BIRC6: variants seen among roughly 807,000 people sequenced by gnomAD.
The protein encoded by BIRC6 is dual E2 ubiquitin-conjugating enzyme/E3 ubiquitin-protein ligase BIRC6.
Under a neutral mutation model 503.3 loss-of-function variants are expected in BIRC6, and 98 were observed. The observed-to-expected ratio is 0.19, with a 90% CI of 0.17 to 0.23. BIRC6 has a LOEUF of 0.23. BIRC6 is among the 10% of genes least tolerant of loss of function. BIRC6 has a pLI of 1.00. For missense variants in BIRC6, 5,360 were observed against 5,806.0 expected (o/e 0.92, Z 2.50); for synonymous variants, 2,240 against 2,078.7 (o/e 1.08, Z -2.11).
chr2:32,448,734 A>C (rs893703693), intron 21 of BIRC6, 61 bp from the exon 22 acceptor site: 44 of 1,512,996 alleles, frequency 2.9e-5, no homozygotes, highest in Non-Finnish European at 3.9e-5. Flanking sequence ...AACTAAGTAA[A>C]GGTAATTTGT....
At chr2:32,443,325 A>G (rs1461478017) in intron 19 of BIRC6, 166 bp from the exon 20 acceptor site, 5 of 559,800 alleles carry the variant, frequency 8.9e-6, no homozygotes, top group Non-Finnish European at 1.6e-5. Context: ...TCCTTAGTAT[A>G]ATCAGTTCCC....
At chr2:32,605,315 C>A (rs374899094) in intron 71 of BIRC6, among the ~76,000 whole-genome samples, 19 of 152,240 alleles carry the variant, frequency 1.2e-4, no homozygotes, top group African/African-American at 4.6e-4. Context: ...CGCCGTGAAT[C>A]TAAAGTAATT....
At chr2:32,391,017 G>A (rs572362686) in intron 4 of BIRC6, among the ~76,000 whole-genome samples, 6 of 152,280 alleles carry the variant, frequency 3.9e-5, no homozygotes, top group Admixed American at 2.6e-4. Flanking sequence ...TTTGGGATAT[G>A]CCTGAGATGG....
Position 32,515,664 on chromosome 2 carries a change from C to T in BIRC6, c.11243C>T (p.Thr3748Ile). Residue 3748 changes from threonine (T) to isoleucine (I), a missense_variant, in exon 55 of 74, where the codon ACA becomes ATA. Around this residue, in one of 16 missense-constraint regions of BIRC6, gnomAD observed 878 missense variants for 928.9 expected, o/e 0.95. Coordinates refer to ENST00000421745, the MANE Select transcript of BIRC6 (RefSeq NM_016252.4). ...ARSASLSSAA[T>I]TGLTTQQRTA... ...TCAGCTTCTCTTTCTTCAGCTGCTACAACAGGACTGACTACTCAACAGCGC... is the reference window on the plus strand; with the variant it reads ...TCAGCTTCTCTTTCTTCAGCTGCTATAACAGGACTGACTACTCAACAGCGC... 1.2e-6 allele frequency: 2 copies of T among 1,609,218 alleles called. No homozygotes were observed. Among genetic ancestry groups the T allele is most frequent in the Non-Finnish European group, 1.7e-6 (2 of 1,179,856 alleles).
chr2:32,543,119 C>G (rs1050887473), intron 61 of BIRC6, 122 bp from the exon 62 acceptor site: 14 of 1,156,554 alleles, frequency 1.2e-5, no homozygotes, highest in Non-Finnish European at 1.7e-5. Flanking sequence ...TTTTTTAAAG[C>G]AAGCAGCTTT....
In BIRC6 at chr2:32,471,043, G is replaced by T. The variant is rs1257348022; in HGVS notation, c.6511G>T (p.Val2171Phe). 1.3e-6 allele frequency: 2 copies of T among 1,579,344 alleles called. No individual in the cohort carries two copies. Among genetic ancestry groups the T allele is most frequent in the Non-Finnish European group, 1.7e-6 (2 of 1,160,528 alleles). ...ACTAGATATTCCCATGATCAGTTGG[G>T]TTGTTATGCTGGTGTCCAGGTTGCT... Reference protein sequence around the residue: ...GVLDIPMISWVVMLVSRLLDY... With the variant: ...GVLDIPMISWFVMLVSRLLDY... The change falls in exon 32 of 74, where the codon GTT becomes TTT. Residue 2171 changes from valine (V) to phenylalanine (F), a missense_variant. By Grantham distance (50) the Val-to-Phe change is conservative (BLOSUM62 -1). This residue lies in a region of BIRC6 where 2,299 missense variants were observed against 2,267.2 expected (regional missense o/e 1.01). Coordinates refer to ENST00000421745, the MANE Select transcript of BIRC6 (RefSeq NM_016252.4).
intron 1 of BIRC6, among the ~76,000 whole-genome samples, chr2:32,365,050 G>A (rs1168988742): frequency 5.3e-5 from 8 of 152,106 alleles, no homozygotes; most frequent in African/African-American, 1.9e-4. Context: ...ATGCATTTGA[G>A]TTTTTATAAA....
intron 38 of BIRC6, 67 bp from the exon 39 acceptor site, chr2:32,482,362 A>T: frequency 6.7e-7 from 1 of 1,496,740 alleles, no homozygotes; most frequent in Non-Finnish European, 9.1e-7. Context: ...GGTTTAGATA[A>T]TGTAAATAAC....
chr2:32,478,583 A>T (rs755340122), intron 35 of BIRC6, 52 bp from the exon 36 acceptor site: 1 of 1,508,294 alleles, frequency 6.6e-7, no homozygotes, highest in Non-Finnish European at 9.0e-7. Flanking sequence ...TTAGTGTTTG[A>T]AAAAACATGT....
chr2:32,517,145 A>G (rs2055140177), intron 55 of BIRC6, among the ~76,000 whole-genome samples: 1 of 152,108 alleles, frequency 6.6e-6, no homozygotes, highest in Non-Finnish European at 1.5e-5. Context: ...AGTTTTGACA[A>G]CATGGCAAAA....
intron 66 of BIRC6, among the ~76,000 whole-genome samples, chr2:32,583,363 C>A (rs1213699751): frequency 6.6e-6 from 1 of 152,080 alleles, no homozygotes. Context: ...TTTCCTAATA[C>A]CCCCTTTCAA....
intron 9 of BIRC6, among the ~76,000 whole-genome samples, chr2:32,409,425 G>C (rs576818036): frequency 6.6e-6 from 1 of 152,082 alleles, no homozygotes; most frequent in Non-Finnish European, 1.5e-5. Flanking sequence ...CAAAGTGTTG[G>C]GATTACAGGT....
At position 32,388,828 on chromosome 2, in the gene BIRC6, A is replaced by C; in HGVS notation, c.724A>C (p.Ile242Leu). The C allele has an allele frequency of 6.2e-7, 1 of 1,613,490 alleles. No individual in the cohort carries two copies. ...ASAIVNELKKINQNVAALPVA... is the reference protein window; with the variant it reads ...ASAIVNELKKLNQNVAALPVA... ...TGCCATTGTAAATGAACTCAAGAAA[A>C]TAAATCAAAATGTTGCTGCCTTACC... Residue 242 changes from isoleucine (I) to leucine (L), a missense_variant, in exon 4 of 74, where the codon ATA becomes CTA. Transcript: ENST00000421745.
intron 65 of BIRC6, among the ~76,000 whole-genome samples, chr2:32,568,343 A>C (rs950496175): frequency 6.6e-6 from 1 of 151,456 alleles, no homozygotes; most frequent in African/African-American, 2.4e-5. Flanking sequence ...AATAGAAAAA[A>C]TTAACTGGAC....
rs974091869 is a variant in BIRC6, at chr2:32,472,994, TA to T, written c.6593-114del. On this transcript the variant is annotated intron_variant, in intron 32 of 73. Coordinates refer to ENST00000421745, the MANE Select transcript of BIRC6 (RefSeq NM_016252.4). ...AATTTCTTTACAATGTTTTTCTTAT[TA>T]AAACTGCTTTTCATGATTGACACAT... 1.2e-5 allele frequency: 10 copies of T among 836,398 alleles called. No homozygotes were observed. The African/African-American group carries it at 1.2e-4, about 10-fold the overall frequency. The allele number at this position is 836,398 out of a possible 1,614,324, so 51.8% of individuals were successfully genotyped here. A position where few individuals can be genotyped will look rare whatever the true frequency, so the allele number is the denominator to read the frequency against.
chr2:32,400,759 G>T (rs1271425379), intron 6 of BIRC6, among the ~76,000 whole-genome samples: 2 of 152,060 alleles, frequency 1.3e-5, no homozygotes, highest in Non-Finnish European at 2.9e-5. Flanking sequence ...TATAGTTGTG[G>T]CCCCTGATAG....
chr2:32,413,176 A>ATTT (rs766213127), intron 9 of BIRC6, among the ~76,000 whole-genome samples: 5 of 122,054 alleles, frequency 4.1e-5, no homozygotes, highest in African/African-American at 6.1e-5. Context: ...TGCCCGGCTA[A>ATTT]TTTTTTTTTT....
Position 32,401,474 on chromosome 2 carries a change from G to A in BIRC6, c.1269G>A (p.Lys423=), listed in dbSNP as rs2040589580. The A allele has an allele frequency of 2.5e-6, 4 of 1,613,826 alleles. No individual in the cohort carries two copies. Among genetic ancestry groups the A allele is most frequent in the Non-Finnish European group, 3.4e-6 (4 of 1,179,828 alleles). ...TTTCATTTGTTTAGGTGCACTTAAA[G>A]TTTGAAATTAATGCCTATGATCCAG... The part of the protein sequence containing the change: ...DVSKLMKVHL[K]FEINAYDPAI... The change falls in exon 8 of 74, where the codon AAG becomes AAA. Residue 423 remains lysine (K), a synonymous_variant. Transcript: ENST00000421745.
At chr2:32,547,520 G>A (rs1314961743) in intron 63 of BIRC6, among the ~76,000 whole-genome samples, 1 of 152,144 alleles carries the variant, frequency 6.6e-6, no homozygotes, top group Non-Finnish European at 1.5e-5. Context: ...GTTTATTCGT[G>A]TAGCGTATAT....
Sources: gnomAD v4.1 joint callset for allele counts (sites outside exome capture counted in the v4.1 genomes callset) on GRCh38, gnomAD v4.1.1 for gene constraint, gnomAD v4.1.1 regional missense constraint, MANE v1.5 for transcripts, NCBI Gene and HGNC (gene_info 2026-07-23, HGNC 2026-07-21) for gene names.